Variants in PKHD1 observed in about 807,000 individuals in gnomAD.
PKHD1 encodes fibrocystin.
A neutral mutation model predicts 412.0 loss-of-function variants in PKHD1; 291 were observed. The observed-to-expected ratio is 0.71, with a 90% CI of 0.64 to 0.78. The LOEUF is 0.78. PKHD1 is among the 30% of genes least tolerant of loss of function. The pLI is 0.00. For synonymous variants in PKHD1, 1,777 were observed against 1,821.5 expected, an observed-to-expected ratio of 0.98 and a Z score of 0.62; for missense variants, 4,825 against 4,950.7, an observed-to-expected ratio of 0.97 and a Z score of 0.76.
intron 57 of PKHD1, among the ~76,000 whole-genome samples, chr6:51,749,234 T>C (rs1322081084): frequency 2.0e-5 from 3 of 152,232 alleles, no homozygotes; most frequent in African/African-American, 7.2e-5. Flanking sequence ...AGCAATAACA[T>C]GCTTTTAAAA....
intron 60 of PKHD1, among the ~76,000 whole-genome samples, chr6:51,706,893 C>T (rs906721541): frequency 3.9e-5 from 6 of 152,152 alleles, no homozygotes; most frequent in African/African-American, 1.4e-4. Flanking sequence ...AAGTTGAACT[C>T]TCAAAATTAT....
intron 59 of PKHD1, among the ~76,000 whole-genome samples, chr6:51,745,204 T>C (rs1306052406): frequency 6.6e-6 from 1 of 152,184 alleles, no homozygotes; most frequent in Non-Finnish European, 1.5e-5. Context: ...AAGATTCAGC[T>C]GTTAATATCA....
intron 60 of PKHD1, among the ~76,000 whole-genome samples, chr6:51,674,575 GA>G (rs1473682642): frequency 3.9e-5 from 6 of 152,036 alleles, no homozygotes; most frequent in Non-Finnish European, 7.4e-5. Context: ...TGAAGATGAG[GA>G]AGAAGAAAAA....
At chr6:52,013,224 AG>A (rs1205056985) in intron 34 of PKHD1, among the ~76,000 whole-genome samples, 2 of 152,180 alleles carry the variant, frequency 1.3e-5, no homozygotes, top group Admixed American at 6.5e-5. Context: ...CTTCGCTGGC[AG>A]AGGTACAAGT....
At chr6:51,999,468 G>T (rs192541459) in intron 35 of PKHD1, among the ~76,000 whole-genome samples, 1 of 152,170 alleles carries the variant, frequency 6.6e-6, no homozygotes, top group Non-Finnish European at 1.5e-5. Context: ...TCACCTTCCA[G>T]GCTCCAGCTG....
rs538951985 is a variant in PKHD1, at chr6:52,026,991, C to A, written c.3629-810G>T. On this transcript the variant is annotated intron_variant, in intron 31 of 66. Coordinates refer to ENST00000371117, the MANE Select transcript of PKHD1 (RefSeq NM_138694.4). ...GCCACTAGATTGTTTTCCATTCTTT[C>A]TGAAAATAGTTTTAGAGATTGGTCT... 1.8e-4 allele frequency among the ~76,000 whole-genome samples: 28 copies of A among 152,314 alleles called. No homozygotes were observed. In the South Asian group the frequency reaches 5.6e-3, roughly 30 times the overall value.
chr6:51,748,441 T>C lies in PKHD1; in HGVS notation c.9175A>G (p.Thr3059Ala), dbSNP rs749211665. ...AGAACCACAAGGTTATTAGTGACAG[T>C]ATAGGCCTGACCCTCTAAATCTATG... ...HGIDLEGQAY[T>A]VTNNLVVLMT... The change falls in exon 58 of 67, where the codon ACT (threonine) becomes GCT (alanine). Residue 3059 changes from threonine (T) to alanine (A), a missense_variant. Coordinates refer to ENST00000371117, the MANE Select transcript of PKHD1 (RefSeq NM_138694.4). 25 of 1,613,928 alleles carry C rather than the reference T, an allele frequency of 1.5e-5. No homozygotes were observed. In the South Asian group the frequency reaches 2.3e-4, roughly 15 times the overall value.
At chr6:51,706,189 A>T (rs1779996946) in intron 60 of PKHD1, among the ~76,000 whole-genome samples, 1 of 152,088 alleles carries the variant, frequency 6.6e-6, no homozygotes, top group South Asian at 2.1e-4. Context: ...GCTCATTGAT[A>T]CCGTTGCCTG....
At chr6:51,738,092 T>C (rs1250587092) in intron 60 of PKHD1, among the ~76,000 whole-genome samples, 1 of 152,204 alleles carries the variant, frequency 6.6e-6, no homozygotes, top group Non-Finnish European at 1.5e-5. Flanking sequence ...AATACCTCAC[T>C]GTAGACAGGT....
Position 51,744,479 on chromosome 6 carries a change from G to C in PKHD1, c.10062C>G (p.Phe3354Leu). 6.2e-7 allele frequency: 1 copy of C among 1,612,994 alleles called. No individual in the cohort carries two copies. The highest frequency in any genetic ancestry group is 8.5e-7 in the Non-Finnish European group (1 of 1,179,006). The change falls in exon 60 of 67, where the codon TTC becomes TTG. Residue 3354 changes from phenylalanine (F) to leucine (L), a missense_variant. Transcript: ENST00000371117. ...LDCASPRKYL[F>L]KDLDGRALGL... The stretch of plus-strand genomic sequence containing the variant: ...CCAGGGCTCTCCCATCCAGATCCTT[G>C]AAGAGATATTTTCTTGGACTTGCAC...
At chr6:51,683,362 A>AAAG (rs1226406737) in intron 60 of PKHD1, among the ~76,000 whole-genome samples, 1 of 152,080 alleles carries the variant, frequency 6.6e-6, no homozygotes, top group Non-Finnish European at 1.5e-5. Context: ...GCTTACTTAT[A>AAAG]CCAAAGGCTT....
intron 55 of PKHD1, among the ~76,000 whole-genome samples, chr6:51,763,803 C>A (rs766371593): frequency 6.6e-6 from 1 of 152,008 alleles, no homozygotes; most frequent in East Asian, 1.9e-4. Flanking sequence ...GTCTCTGGAT[C>A]TACTATCAAG....
At chr6:51,774,489 T>C (rs9395716) in intron 54 of PKHD1, among the ~76,000 whole-genome samples, 52,252 of 151,778 alleles carry the variant, frequency 0.34, 11,107 homozygotes, top group East Asian at 0.67. Context: ...TCAAATATTC[T>C]TATAATAATC....
chr6:51,682,069 G>T lies in PKHD1; in HGVS notation c.10157-22100C>A, dbSNP rs950484119. On this transcript the variant is annotated intron_variant, in intron 60 of 66. Transcript: ENST00000371117. ...GAGAAATAAGCCTTTGTTGTTTTAA[G>T]CTGTTGAGATATATACAGCATCAGG... 3.5e-4 allele frequency: 78 copies of T among 224,304 alleles called. 6 individuals are homozygous for T. The highest frequency in any genetic ancestry group is 2.8e-5 in the Non-Finnish European group (3 of 106,898). The allele number at this position is 224,304 out of a possible 1,614,324, so 13.9% of individuals were successfully genotyped here. A position where few individuals can be genotyped will look rare whatever the true frequency, so the allele number is the denominator to read the frequency against.
intron 46 of PKHD1, among the ~76,000 whole-genome samples, chr6:51,874,679 A>G (rs1217073966): frequency 2.0e-5 from 3 of 152,194 alleles, no homozygotes; most frequent in Admixed American, 2.0e-4. Context: ...CTGTAATCCC[A>G]GCACTATGGG....
chr6:51,636,223 G>A (rs1768548601), intron 64 of PKHD1, among the ~76,000 whole-genome samples: 1 of 152,144 alleles, frequency 6.6e-6, no homozygotes, highest in South Asian at 2.1e-4. Context: ...TTGGAGAGAT[G>A]AGGGAAAATA....
intron 52 of PKHD1, among the ~76,000 whole-genome samples, chr6:51,816,942 A>T (rs1459656969): frequency 1.3e-5 from 2 of 152,164 alleles, no homozygotes. Flanking sequence ...GGTCAATGTG[A>T]GGGTGAAGGA....
intron 36 of PKHD1, among the ~76,000 whole-genome samples, chr6:51,940,663 T>C (rs1788353278): frequency 6.6e-6 from 1 of 151,696 alleles, no homozygotes; most frequent in Non-Finnish European, 1.5e-5. Context: ...AGACTGATAC[T>C]GCCCGATTGC....
chr6:51,949,260 TTAAA>T (rs1789937977), intron 36 of PKHD1, among the ~76,000 whole-genome samples: 2 of 152,172 alleles, frequency 1.3e-5, no homozygotes, highest in African/African-American at 4.8e-5. Context: ...CTTTCAATTA[TTAAA>T]TAGTCAAATG....
Sources: allele counts gnomAD v4.1 joint callset (sites outside exome capture counted in the v4.1 genomes callset), GRCh38; gene constraint gnomAD v4.1.1; transcripts MANE v1.5; gene names NCBI Gene and HGNC (gene_info 2026-07-23, HGNC 2026-07-21).